SNORC: variants seen among roughly 807,000 people sequenced by gnomAD.
The protein encoded by SNORC is protein SNORC.
A neutral mutation model predicts 9.7 loss-of-function variants in SNORC; 11 were observed. The ratio of observed to expected loss-of-function variants is 1.14; its 90% CI spans 0.72 to 1.88. The LOEUF (loss-of-function observed/expected upper bound fraction) is 1.88, where lower values mean the gene tolerates loss of function less well. Among genes scored for constraint, SNORC ranks in the 40% most tolerant of loss-of-function variants. The pLI is 0.00. For missense variants in SNORC, 197 were observed against 173.1 expected, an observed-to-expected ratio of 1.14 and a Z score of -0.77; for synonymous variants, 108 against 88.7, an observed-to-expected ratio of 1.22 and a Z score of -1.22.
At chr2:232,874,252 C>G (rs1347432822) in intron 1 of SNORC, among the ~76,000 whole-genome samples, 1 of 152,240 alleles carries the variant, frequency 6.6e-6, no homozygotes, top group Non-Finnish European at 1.5e-5. Context: ...ATGCTGAAAT[C>G]ATTTGAGAGT....
At chr2:232,867,169 T>A (rs1218794052), upstream of SNORC, among the ~76,000 whole-genome samples, 12 of 152,220 alleles carry the variant, frequency 7.9e-5, no homozygotes, top group Non-Finnish European at 1.8e-4. Context: ...GGTTTATTTC[T>A]AAAAAATAGC....
At chr2:232,874,895 T>C (rs1443066618) in intron 1 of SNORC, among the ~76,000 whole-genome samples, 1 of 152,232 alleles carries the variant, frequency 6.6e-6, no homozygotes, top group Non-Finnish European at 1.5e-5. Flanking sequence ...AAGCCTTGGC[T>C]TTCTTGTCTC....
chr2:232,878,014 C>G (rs555001770), downstream of SNORC: 2 of 152,342 alleles, frequency 1.3e-5, no homozygotes, highest in Non-Finnish European at 2.9e-5. Context: ...CACTCCCCCA[C>G]CAACGGGTGC....
At chr2:232,874,830 C>A (rs1691158963) in intron 1 of SNORC, among the ~76,000 whole-genome samples, 1 of 152,244 alleles carries the variant, frequency 6.6e-6, no homozygotes, top group Non-Finnish European at 1.5e-5. Context: ...ACCGCTCCTG[C>A]AACTGTCCAA....
At chr2:232,875,958 C>T (rs1240276362) in exon 2 of SNORC, 4 of 1,553,964 alleles carry the variant, frequency 2.6e-6, no homozygotes, top group East Asian at 2.4e-5. Context: ...CCACAGGAGC[C>T]CGTGCCCACG....
At position 232,876,041 on chromosome 2, in the gene SNORC, G is replaced by A. The variant is rs756959104; in HGVS notation, c.175G>A (p.Val59Met). The A allele has an allele frequency of 5.9e-5, 91 of 1,542,016 alleles. No homozygotes were observed. Among genetic ancestry groups the A allele is most frequent in the Non-Finnish European group, 7.9e-5 (91 of 1,147,858 alleles). ...GAGCACCAGCCCCGGCCGGGAGCCC[G>A]TGGACACCGGTCCCCCAGCCCCCAC... The change falls in exon 2 of 3, where the codon GTG (valine) becomes ATG (methionine). Residue 59 changes from valine to methionine, a missense_variant. Coordinates refer to ENST00000331342, the Ensembl canonical transcript of SNORC. This position sits in a 1 kb window ranked among gnomAD's most constrained non-coding sequence, Gnocchi z 6.8.
chr2:232,875,902 G>A (rs1182280333), intron 1 of SNORC, 38 bp from the exon 2 acceptor site: 3 of 1,516,572 alleles, frequency 2.0e-6, no homozygotes, highest in Middle Eastern at 1.8e-4. Flanking sequence ...TGTCGGCCCC[G>A]TCACCTGGGG....
rs77242521 is a variant in SNORC at position 232,875,492 on chromosome 2, C to T, written c.74-448C>T. 7.7e-3 allele frequency: 3,304 copies of T among 429,880 alleles called. 88 individuals carry two copies. The highest frequency in any genetic ancestry group is 0.062 in the African/African-American group (3,004 of 48,080). 26.6% of individuals were successfully genotyped at this position (429,880 alleles called of 1,614,324 possible). A position where few individuals can be genotyped will look rare whatever the true frequency, so the allele number is the denominator to read the frequency against. On this transcript the variant is annotated intron_variant, in intron 1 of 2. Coordinates refer to ENST00000331342, the Ensembl canonical transcript of SNORC. ...GTTTCTGGGGCATCCTGTCTGGTTG[C>T]CGGGGATGGATGGCCCAGGGTTGGA... is the stretch of plus-strand genomic sequence containing the variant.
chr2:232,877,614 G>C (rs1691323305), downstream of SNORC: 1 of 152,966 alleles, frequency 6.5e-6, no homozygotes, highest in Non-Finnish European at 1.5e-5. Flanking sequence ...GCTCCCCATG[G>C]CACTGTTTCC....
intron 1 of SNORC, 58 bp from the exon 2 acceptor site, chr2:232,875,882 G>A (rs1263796164): frequency 1.2e-5 from 18 of 1,495,194 alleles, no homozygotes; most frequent in Non-Finnish European, 1.6e-5. Flanking sequence ...GAGGTGGGGG[G>A]TGACGTCCCT....
At chr2:232,867,010 C>G (rs553739564), upstream of SNORC, among the ~76,000 whole-genome samples, 12 of 152,286 alleles carry the variant, frequency 7.9e-5, no homozygotes, top group East Asian at 1.9e-4. Flanking sequence ...CCAGGCTGGT[C>G]TCGAACTCGT....
At chr2:232,876,508 A>G (rs1691252967), downstream of SNORC, 3 of 1,278,492 alleles carry the variant, frequency 2.3e-6, no homozygotes, top group South Asian at 2.5e-5. This position sits in a 1 kb window ranked among gnomAD's most constrained non-coding sequence, Gnocchi z 6.8. Context: ...CGCGGGGCCG[A>G]GGGTGGGTGC....
chr2:232,872,433 C>CTT (rs1691061351), intron 1 of SNORC, among the ~76,000 whole-genome samples: 1 of 152,200 alleles, frequency 6.6e-6, no homozygotes. Flanking sequence ...ACTTATTTAC[C>CTT]AAAAGGCAGG....
At chr2:232,875,547 G>T in intron 1 of SNORC, 1 of 400,594 alleles carries the variant, frequency 2.5e-6, no homozygotes, top group Non-Finnish European at 5.1e-6. Context: ...AACTGGGGTG[G>T]GCTGGCTGGT....
At chr2:232,868,582 C>T (rs375729303), upstream of SNORC, among the ~76,000 whole-genome samples, 4 of 152,222 alleles carry the variant, frequency 2.6e-5, no homozygotes, top group African/African-American at 9.6e-5. Flanking sequence ...TAATGCATCT[C>T]GCAGTGTCTT....
At chr2:232,872,050 C>G (rs1382366124) in intron 1 of SNORC, among the ~76,000 whole-genome samples, 1 of 152,206 alleles carries the variant, frequency 6.6e-6, no homozygotes, top group African/African-American at 2.4e-5. Flanking sequence ...AGTAGGCAGG[C>G]CCCCCGCAGG....
At chr2:232,868,264 T>A (rs186201099), upstream of SNORC, among the ~76,000 whole-genome samples, 9 of 152,008 alleles carry the variant, frequency 5.9e-5, no homozygotes, top group East Asian at 1.7e-3. Context: ...GCCTGGCTAA[T>A]TTTCATATTT....
At chr2:232,875,683 G>A (rs1168893132) in intron 1 of SNORC, 1 of 553,144 alleles carries the variant, frequency 1.8e-6, no homozygotes. Context: ...AACCCTATAA[G>A]CAGAGAAGGG....
At chr2:232,868,688 T>TCA (rs1690922853), upstream of SNORC, among the ~76,000 whole-genome samples, 1 of 152,190 alleles carries the variant, frequency 6.6e-6, no homozygotes, top group African/African-American at 2.4e-5. Context: ...GCCATTGGTA[T>TCA]CCCCTTCTTC....
Sources: allele counts gnomAD v4.1 joint callset (sites outside exome capture counted in the v4.1 genomes callset), GRCh38; gene constraint gnomAD v4.1.1; non-coding constraint Gnocchi (gnomAD v3.1); transcripts MANE v1.5; gene names NCBI Gene and HGNC (gene_info 2026-07-23, HGNC 2026-07-21).